Variants in PCDH9 observed in about 807,000 individuals in gnomAD.
The protein encoded by PCDH9 is protocadherin-9.
Under a neutral mutation model 70.6 loss-of-function variants are expected in PCDH9, and 24 were observed. The ratio of observed to expected loss-of-function variants is 0.34; its 90% CI spans 0.25 to 0.48. PCDH9 has a LOEUF of 0.48. Among genes scored for constraint, PCDH9 ranks in the 20% least tolerant of loss-of-function variants. The pLI, the probability that PCDH9 is intolerant of heterozygous loss-of-function variation, is 0.99. For synonymous variants in PCDH9, 562 were observed against 558.5 expected (o/e 1.01, Z -0.09); for missense variants, 1,281 against 1,503.6 (o/e 0.85, Z 2.45).
intron 3 of PCDH9, among the ~76,000 whole-genome samples, chr13:66,762,040 C>T (rs1261619627): frequency 6.6e-6 from 1 of 152,030 alleles, no homozygotes; most frequent in African/African-American, 2.4e-5. Flanking sequence ...CAACAGTAAG[C>T]TTGTCCAGAG....
intron 4 of PCDH9, among the ~76,000 whole-genome samples, chr13:66,503,460 A>C (rs577332527): frequency 2.0e-5 from 3 of 152,352 alleles, no homozygotes; most frequent in Non-Finnish European, 4.4e-5. Flanking sequence ...ACTTTAAATA[A>C]TACTACACAA....
intron 2 of PCDH9, among the ~76,000 whole-genome samples, chr13:67,140,330 G>A (rs2087350963): frequency 6.6e-6 from 1 of 151,984 alleles, no homozygotes; most frequent in Non-Finnish European, 1.5e-5. Context: ...TTAGAGCTAA[G>A]GTAAGATAAG....
chr13:66,312,642 G>A (rs1429624674), intron 4 of PCDH9, among the ~76,000 whole-genome samples: 1 of 151,862 alleles, frequency 6.6e-6, no homozygotes, highest in African/African-American at 2.4e-5. Flanking sequence ...CTAGTACTGA[G>A]GTCACATTTA....
At chr13:66,442,739 T>C (rs1395483152) in intron 4 of PCDH9, among the ~76,000 whole-genome samples, 1 of 152,124 alleles carries the variant, frequency 6.6e-6, no homozygotes, top group Non-Finnish European at 1.5e-5. Flanking sequence ...AGTACGAATT[T>C]AGTGATGAAG....
chr13:66,891,326 G>T (rs1276700163), intron 3 of PCDH9, among the ~76,000 whole-genome samples: 3 of 151,924 alleles, frequency 2.0e-5, no homozygotes, highest in East Asian at 3.9e-4. Context: ...TCACCAAAAT[G>T]GTTCTTGCTT....
At chr13:66,806,626 T>C (rs2080414378) in intron 3 of PCDH9, among the ~76,000 whole-genome samples, 1 of 152,178 alleles carries the variant, frequency 6.6e-6, no homozygotes, top group South Asian at 2.1e-4. Context: ...GCATCGTTTC[T>C]GGGTTTGTAG....
chr13:66,882,269 C>T (rs1396571085), intron 3 of PCDH9, among the ~76,000 whole-genome samples: 1 of 152,070 alleles, frequency 6.6e-6, no homozygotes, highest in Non-Finnish European at 1.5e-5. Context: ...TCATAATGTG[C>T]CTTTTATGTC....
At chr13:67,033,250 G>A (rs968514908) in intron 2 of PCDH9, among the ~76,000 whole-genome samples, 3 of 151,998 alleles carry the variant, frequency 2.0e-5, no homozygotes, top group Non-Finnish European at 4.4e-5. Flanking sequence ...TTCATAATTA[G>A]TGCTCTGGGT....
intron 3 of PCDH9, among the ~76,000 whole-genome samples, chr13:66,765,239 T>C (rs1272277631): frequency 6.6e-6 from 1 of 152,016 alleles, no homozygotes; most frequent in Non-Finnish European, 1.5e-5. Context: ...TTGATCTCCA[T>C]ACAGAATCCT....
intron 2 of PCDH9, among the ~76,000 whole-genome samples, chr13:66,967,000 C>G (rs2083443277): frequency 6.6e-6 from 1 of 152,086 alleles, no homozygotes; most frequent in East Asian, 1.9e-4. Context: ...ATATCAAATG[C>G]AAACTTCAGT....
In PCDH9 at chr13:67,226,283, C is replaced by T; in HGVS notation, c.2158G>A (p.Gly720Arg). 1 of 1,614,076 alleles carries T rather than the reference C, an allele frequency of 6.2e-7. No individual in the cohort carries two copies. Among genetic ancestry groups the T allele is most frequent in the Admixed American group, 1.7e-5 (1 of 60,014 alleles). The change falls in exon 2 of 5, where the codon GGA becomes AGA. Residue 720 changes from glycine to arginine, a missense_variant. Transcript: ENST00000377865. This position sits in a 1 kb window ranked among gnomAD's most constrained non-coding sequence, Gnocchi z 5.0. ...NAELKYTIVS[G>R]NNKGLFRIDP... ...ATCCGGAATAAGCCTTTATTGTTTCCACTCACTATAGTATACTTTAGTTCA... is the reference window on the plus strand; with the variant it reads ...ATCCGGAATAAGCCTTTATTGTTTCTACTCACTATAGTATACTTTAGTTCA...
intron 2 of PCDH9, among the ~76,000 whole-genome samples, chr13:67,064,891 AATAGATAGATAGATAGATAGATAG>A (rs71110626): frequency 2.0e-5 from 3 of 148,858 alleles, no homozygotes; most frequent in Non-Finnish European, 4.5e-5. Context: ...CCTGTGTGGA[AATAGATAGATAGATAGATAGATAG>A]ATAGATAGAT....
intron 3 of PCDH9, among the ~76,000 whole-genome samples, chr13:66,702,404 C>T (rs1301588419): frequency 2.0e-5 from 3 of 151,848 alleles, no homozygotes; most frequent in Non-Finnish European, 4.4e-5. Flanking sequence ...TGATAGTTGC[C>T]AGGGACTGAA....
chr13:66,852,776 G>A (rs1006674981), intron 3 of PCDH9, among the ~76,000 whole-genome samples: 8 of 149,934 alleles, frequency 5.3e-5, no homozygotes, highest in African/African-American at 1.3e-4. Context: ...TCAAGTAGAC[G>A]GTGTACCATG....
intron 2 of PCDH9, among the ~76,000 whole-genome samples, chr13:67,167,549 A>G (rs910265711): frequency 6.6e-6 from 1 of 152,062 alleles, no homozygotes; most frequent in Non-Finnish European, 1.5e-5. Flanking sequence ...TGGCCTTCTA[A>G]CTCATTTGCT....
chr13:67,027,146 A>G (rs1472764068), intron 2 of PCDH9, among the ~76,000 whole-genome samples: 1 of 151,928 alleles, frequency 6.6e-6, no homozygotes, highest in African/African-American at 2.4e-5. Context: ...GAGGCATCAC[A>G]CTACCTGACT....
At chr13:66,821,553 A>G (rs1019656559) in intron 3 of PCDH9, among the ~76,000 whole-genome samples, 1 of 152,152 alleles carries the variant, frequency 6.6e-6, no homozygotes, top group African/African-American at 2.4e-5. Flanking sequence ...TTTAAATGGT[A>G]TTCTTAAGAG....
intron 3 of PCDH9, among the ~76,000 whole-genome samples, chr13:66,714,958 T>C (rs1411211517): frequency 1.3e-5 from 2 of 152,190 alleles, no homozygotes; most frequent in Non-Finnish European, 2.9e-5. Context: ...CCAGGAATTG[T>C]CTCTTAGTTC....
At chr13:66,427,767 G>A (rs1957697446) in intron 4 of PCDH9, among the ~76,000 whole-genome samples, 1 of 151,560 alleles carries the variant, frequency 6.6e-6, no homozygotes, top group Non-Finnish European at 1.5e-5. Flanking sequence ...GAGTTTTGGT[G>A]TCTTTGTATC....
Sources: allele counts gnomAD v4.1 joint callset (sites outside exome capture counted in the v4.1 genomes callset), GRCh38; gene constraint gnomAD v4.1.1; non-coding constraint Gnocchi (gnomAD v3.1); transcripts MANE v1.5; gene names NCBI Gene and HGNC (gene_info 2026-07-23, HGNC 2026-07-21).